Variants in PTPN14 observed in about 807,000 individuals in gnomAD.
PTPN14 encodes tyrosine-protein phosphatase non-receptor type 14.
Under a neutral mutation model 126.8 loss-of-function variants are expected in PTPN14, and 53 were observed. The ratio of observed to expected loss-of-function variants is 0.42; its 90% CI spans 0.34 to 0.53. The LOEUF is 0.53. PTPN14 is among the 20% of genes least tolerant of loss of function. PTPN14 has a pLI of 0.08. For missense variants in PTPN14, 1,257 were observed against 1,552.9 expected (o/e 0.81, Z 3.20); for synonymous variants, 630 against 599.3 (o/e 1.05, Z -0.75).
intron 1 of PTPN14, among the ~76,000 whole-genome samples, chr1:214,488,487 G>C (rs1344039584): frequency 6.6e-6 from 1 of 152,148 alleles, no homozygotes; most frequent in African/African-American, 2.4e-5. Flanking sequence ...GGCAATATCA[G>C]AGCTGAGCAC....
chr1:214,428,435 A>C (rs187729551), intron 3 of PTPN14, among the ~76,000 whole-genome samples: 19 of 152,348 alleles, frequency 1.2e-4, no homozygotes, highest in Admixed American at 1.1e-3. Context: ...CATATTCAAA[A>C]TAGTCATCAA....
chr1:214,422,660 A>G (rs1429509320), intron 3 of PTPN14, among the ~76,000 whole-genome samples: 1 of 152,172 alleles, frequency 6.6e-6, no homozygotes, highest in Non-Finnish European at 1.5e-5. Context: ...TCTGCATAAC[A>G]TCCTTGAAGC....
intron 2 of PTPN14, among the ~76,000 whole-genome samples, chr1:214,464,345 G>A (rs72758001): frequency 1.3e-5 from 2 of 152,028 alleles, no homozygotes; most frequent in African/African-American, 2.4e-5. Context: ...ACTTTGGTGG[G>A]GAGAGTCTCT....
In PTPN14 at chr1:214,364,527, G is replaced by A. The variant is rs994749441; in HGVS notation, c.3420C>T (p.Cys1140=). 1.9e-6 allele frequency: 3 copies of A among 1,613,882 alleles called. No individual in the cohort carries two copies. The African/African-American group carries it at 4.0e-5, about 22-fold the overall frequency. ...VLILSELMIY[C]LEHNEKVEVP... ...AATGACTCACTTCGTTATGTTCCAAGCAGTAGATCATCAGCTCAGAAAGAA... is the reference window on the plus strand; with the variant it reads ...AATGACTCACTTCGTTATGTTCCAAACAGTAGATCATCAGCTCAGAAAGAA... Residue 1140 remains cysteine, a synonymous_variant, in exon 18 of 19, where the codon TGC becomes TGT. Transcript: ENST00000366956. This position sits in a 1 kb window ranked among gnomAD's most constrained non-coding sequence, Gnocchi z 4.1.
rs1191421477 is a variant in PTPN14, at chr1:214,384,700, A to T, written c.1155T>A (p.Asn385Lys). The T allele has an allele frequency of 1.2e-6, 2 of 1,614,036 alleles. No individual in the cohort carries two copies. The highest frequency in any genetic ancestry group is 1.7e-6 in the Non-Finnish European group (2 of 1,180,042). Reference sequence around the variant, plus strand: ...CGCTGTGAACGCTACACACGCTGCCATTGGTGACAGTGCCATTTAAATAAT... The same window carrying T: ...CGCTGTGAACGCTACACACGCTGCCTTTGGTGACAGTGCCATTTAAATAAT... ...DLNYLNGTVT[N>K]GSVCSVHSVN... The change falls in exon 13 of 19, where the codon AAT becomes AAA. Residue 385 changes from asparagine (N) to lysine (K), a missense_variant. Physicochemically the swap from Asn to Lys is moderately conservative, Grantham distance 94. Transcript: ENST00000366956. The surrounding 1 kb of genome is among the most constrained non-coding windows in gnomAD (Gnocchi z 5.3).
intron 2 of PTPN14, among the ~76,000 whole-genome samples, chr1:214,457,829 G>A (rs947070688): frequency 2.0e-5 from 3 of 152,068 alleles, no homozygotes; most frequent in African/African-American, 7.2e-5. Context: ...AAAATCTGAT[G>A]TGTTTTTACA....
chr1:214,366,797 G>A (rs2936015), intron 17 of PTPN14, among the ~76,000 whole-genome samples: 122,702 of 151,944 alleles, frequency 0.81, 50,117 homozygotes, highest in African/African-American at 0.93. Flanking sequence ...ACGAGGTCAG[G>A]AGATGGAGAC....
chr1:214,459,406 G>A (rs1388830168), intron 2 of PTPN14, among the ~76,000 whole-genome samples: 4 of 150,632 alleles, frequency 2.7e-5, no homozygotes, highest in African/African-American at 9.8e-5. Flanking sequence ...GCCCGCCTCA[G>A]CCTCCCAAAG....
rs563709539 is a variant in PTPN14, at chr1:214,466,000, A to T, written c.-154-1043T>A. 9.9e-4 allele frequency among the ~76,000 whole-genome samples: 108 copies of T among 108,776 alleles called. No homozygotes were observed. In the South Asian group the frequency reaches 0.011, roughly 11 times the overall value. 71.4% of individuals were successfully genotyped at this position (108,776 alleles called of 152,430 possible). A position where few individuals can be genotyped will look rare whatever the true frequency, so the allele number is the denominator to read the frequency against. On this transcript the variant is annotated intron_variant, in intron 1 of 18. Coordinates refer to ENST00000366956, the MANE Select transcript of PTPN14 (RefSeq NM_005401.5). The stretch of plus-strand genomic sequence containing the variant: ...AAGACGGAGTCTCACCTTGTTGCCC[A>T]GGCTGGAGTGCAGTGGTGCAATCTT...
intron 12 of PTPN14, among the ~76,000 whole-genome samples, chr1:214,385,528 G>A (rs922832830): frequency 1.3e-5 from 2 of 151,746 alleles, no homozygotes; most frequent in Non-Finnish European, 2.9e-5. Flanking sequence ...GGCCCAACCT[G>A]ATTGATTTCT....
rs989842481 is a variant in PTPN14, at chr1:214,350,902, T to G, written c.*7020A>C. 9 of 151,722 alleles carry G rather than the reference T, an allele frequency of 5.9e-5. No homozygotes were observed. The highest frequency in any genetic ancestry group is 1.3e-4 in the Non-Finnish European group (9 of 67,958). The allele number at this position is 151,722 out of a possible 1,614,324, so 9.4% of individuals were successfully genotyped here. ...TTCTTTGAAACTATACAAGCAATTT[T>G]TAAAAAATTAAAATAAGATTTCCTA... On this transcript the variant is annotated 3_prime_UTR_variant, in exon 19 of 19. Coordinates refer to ENST00000366956, the MANE Select transcript of PTPN14 (RefSeq NM_005401.5).
At chr1:214,502,779 C>A (rs1558132391) in intron 1 of PTPN14, among the ~76,000 whole-genome samples, 1 of 151,860 alleles carries the variant, frequency 6.6e-6, no homozygotes, top group Admixed American at 6.6e-5. Context: ...AAATATAGCG[C>A]AATAATGTTA....
At chr1:214,447,427 C>A (rs140068724) in intron 3 of PTPN14, among the ~76,000 whole-genome samples, 32 of 152,234 alleles carry the variant, frequency 2.1e-4, no homozygotes, top group African/African-American at 7.5e-4. Context: ...CAAACCAGAT[C>A]TCCTTTATTC....
chr1:214,371,792 G>A (rs1422369043), intron 16 of PTPN14, among the ~76,000 whole-genome samples: 1 of 152,162 alleles, frequency 6.6e-6, no homozygotes, highest in Admixed American at 6.5e-5. Context: ...TAAAGAGCCT[G>A]ATGTCCCTTT....
chr1:214,520,858 T>C (rs1655237854), intron 1 of PTPN14, among the ~76,000 whole-genome samples: 1 of 152,104 alleles, frequency 6.6e-6, no homozygotes, highest in Non-Finnish European at 1.5e-5. Context: ...ATGGAGCTGA[T>C]GAAAAGAATG....
intron 10 of PTPN14, among the ~76,000 whole-genome samples, chr1:214,392,623 C>T (rs747177858): frequency 6.6e-6 from 1 of 152,120 alleles, no homozygotes; most frequent in Non-Finnish European, 1.5e-5. Context: ...TGGTGTGGTG[C>T]GGCACATGCG....
chr1:214,547,420 T>G (rs144986390), intron 1 of PTPN14, among the ~76,000 whole-genome samples: 3 of 152,346 alleles, frequency 2.0e-5, no homozygotes, highest in Admixed American at 2.0e-4. Context: ...GTTCTAACAT[T>G]GTTCATTCCT....
At chr1:214,442,376 A>T (rs1317444506) in intron 3 of PTPN14, among the ~76,000 whole-genome samples, 1 of 152,174 alleles carries the variant, frequency 6.6e-6, no homozygotes, top group Non-Finnish European at 1.5e-5. Context: ...ATAGATTTTG[A>T]ATTTTTGAAT....
At chr1:214,470,942 T>C (rs573934231) in intron 1 of PTPN14, among the ~76,000 whole-genome samples, 1 of 151,062 alleles carries the variant, frequency 6.6e-6, no homozygotes, top group Non-Finnish European at 1.5e-5. Flanking sequence ...GGAGAATCAC[T>C]TGAACCTGGG....
Sources: gnomAD v4.1 joint callset for allele counts (sites outside exome capture counted in the v4.1 genomes callset) on GRCh38, gnomAD v4.1.1 for gene constraint, Gnocchi (gnomAD v3.1) non-coding constraint, MANE v1.5 for transcripts, NCBI Gene and HGNC (gene_info 2026-07-23, HGNC 2026-07-21) for gene names.